Variants in AMPH observed in about 807,000 individuals in gnomAD.
AMPH encodes amphiphysin, also known as amphiphysin (Stiff-Mann syndrome with breast cancer 128kD autoantigen).
A neutral mutation model predicts 99.1 loss-of-function variants in AMPH; 49 were observed. The observed-to-expected ratio is 0.49, with a 90% CI of 0.39 to 0.63. The LOEUF (loss-of-function observed/expected upper bound fraction) is 0.63, where lower values mean the gene tolerates loss of function less well. AMPH is among the 20% of genes least tolerant of loss of function. The pLI, the probability that AMPH is intolerant of heterozygous loss-of-function variation, is 0.00. For synonymous variants in AMPH, 314 were observed against 317.3 expected (o/e 0.99, Z 0.11); for missense variants, 759 against 863.4 (o/e 0.88, Z 1.52).
At chr7:38,571,054 C>CAT (rs1185656738) in intron 1 of AMPH, among the ~76,000 whole-genome samples, 2 of 16,154 alleles carry the variant, frequency 1.2e-4, no homozygotes, top group Admixed American at 8.8e-4. Flanking sequence ...TATATATATT[C>CAT]ATATATTGAA....
At chr7:38,628,077 A>C (rs1314870613) in intron 1 of AMPH, among the ~76,000 whole-genome samples, 1 of 152,222 alleles carries the variant, frequency 6.6e-6, no homozygotes, top group Non-Finnish European at 1.5e-5. Context: ...AATGGTTGTA[A>C]CCCTTAGGCT....
intron 1 of AMPH, among the ~76,000 whole-genome samples, chr7:38,597,169 T>C (rs996741702): frequency 6.6e-6 from 1 of 152,156 alleles, no homozygotes; most frequent in African/African-American, 2.4e-5. Flanking sequence ...AAACAGCCCA[T>C]GGTTTTCATA....
intron 8 of AMPH, 64 bp from the exon 9 acceptor site, chr7:38,465,613 C>A (rs973749551): frequency 1.4e-6 from 2 of 1,421,770 alleles, no homozygotes; most frequent in Non-Finnish European, 1.9e-6. Context: ...TCAGGCTATT[C>A]TCCCCAAGAA....
At chr7:38,608,719 G>T (rs1022149146) in intron 1 of AMPH, among the ~76,000 whole-genome samples, 2 of 152,194 alleles carry the variant, frequency 1.3e-5, no homozygotes, top group Non-Finnish European at 2.9e-5. Flanking sequence ...ATGGTGGAAG[G>T]CCTGGCCCCC....
chr7:38,387,712 A>T (rs895174165), intron 20 of AMPH, among the ~76,000 whole-genome samples: 1 of 151,946 alleles, frequency 6.6e-6, no homozygotes, highest in Non-Finnish European at 1.5e-5. Flanking sequence ...AATTAAAGAT[A>T]AAAAGCAAAT....
chr7:38,387,920 C>G (rs1784390106), intron 20 of AMPH, among the ~76,000 whole-genome samples: 1 of 151,548 alleles, frequency 6.6e-6, no homozygotes, highest in Non-Finnish European at 1.5e-5. Flanking sequence ...CAGCTGATTT[C>G]TAATTATAAA....
At chr7:38,404,913 T>G (rs978908375) in intron 17 of AMPH, among the ~76,000 whole-genome samples, 1 of 151,592 alleles carries the variant, frequency 6.6e-6, no homozygotes, top group Non-Finnish European at 1.5e-5. Flanking sequence ...ATCAACAGAG[T>G]ATCCAAGATC....
At chr7:38,512,628 AG>A (rs1330935836) in intron 2 of AMPH, among the ~76,000 whole-genome samples, 1 of 152,200 alleles carries the variant, frequency 6.6e-6, no homozygotes, top group East Asian at 1.9e-4. Flanking sequence ...GGAAACCATC[AG>A]AGAAATAACA....
intron 1 of AMPH, among the ~76,000 whole-genome samples, chr7:38,560,574 G>A (rs897332527): frequency 2.6e-5 from 4 of 152,234 alleles, no homozygotes; most frequent in African/African-American, 2.4e-5. Flanking sequence ...GTAGCACAAC[G>A]TAACTTGGGC....
chr7:38,466,461 C>T (rs1787657027), intron 7 of AMPH, among the ~76,000 whole-genome samples: 1 of 151,844 alleles, frequency 6.6e-6, no homozygotes, highest in Non-Finnish European at 1.5e-5. Flanking sequence ...TAGAGCATGA[C>T]CTCTCCTAAA....
intron 1 of AMPH, among the ~76,000 whole-genome samples, chr7:38,626,624 C>T (rs967700053): frequency 6.6e-6 from 1 of 152,194 alleles, no homozygotes; most frequent in Non-Finnish European, 1.5e-5. Context: ...CCACTCAGGA[C>T]ATAGGCATGG....
intron 17 of AMPH, among the ~76,000 whole-genome samples, chr7:38,415,056 GCATCCTGTAGA>G: frequency 6.6e-6 from 1 of 151,992 alleles, no homozygotes; most frequent in South Asian, 2.1e-4. Flanking sequence ...TTTTTTAAAT[GCATCCTGTAGA>G]CATACCAGTA....
At chr7:38,523,516 T>A (rs1790052050) in intron 2 of AMPH, among the ~76,000 whole-genome samples, 3 of 152,188 alleles carry the variant, frequency 2.0e-5, no homozygotes, top group Non-Finnish European at 4.4e-5. Context: ...AGTCAACTCC[T>A]AGGAGCTTCC....
chr7:38,405,104 GTCAAGCTAAGCT>G (rs941506014), intron 17 of AMPH, among the ~76,000 whole-genome samples: 30 of 152,088 alleles, frequency 2.0e-4, no homozygotes, highest in African/African-American at 6.5e-4. Flanking sequence ...TTTATATCTT[GTCAAGCTAAGCT>G]TCATAAACGA....
Position 38,389,919 on chromosome 7 carries a change from G to C in AMPH, c.1879-14C>G. On this transcript the variant is annotated splice_polypyrimidine_tract_variant and intron_variant, in intron 19 of 20. Coordinates refer to ENST00000356264, the MANE Select transcript of AMPH (RefSeq NM_001635.4). The stretch of plus-strand genomic sequence containing the variant: ...CAGTGTTTCCACCTGCAGAAGATAA[G>C]AATACATAAAAATCAATTTCCCAGC... 6.3e-7 allele frequency: 1 copy of C among 1,590,440 alleles called. No homozygotes were observed. The highest frequency in any genetic ancestry group is 1.1e-5 in the South Asian group (1 of 90,604).
At position 38,415,832 on chromosome 7, in the gene AMPH, A is replaced by T. The variant is rs938086041; in HGVS notation, c.1398+1993T>A. On this transcript the variant is annotated intron_variant, in intron 17 of 20. Transcript: ENST00000356264. ...TCACACTGTGAGCTCTGCACCTATG[A>T]TTCTTGCATCACCTATGGATCTCAG... 9.2e-5 allele frequency among the ~76,000 whole-genome samples: 14 copies of T among 152,006 alleles called. No homozygotes were observed. In the East Asian group the frequency reaches 2.7e-3, roughly 29 times the overall value.
At chr7:38,613,049 T>TA (rs912881427) in intron 1 of AMPH, among the ~76,000 whole-genome samples, 38 of 150,836 alleles carry the variant, frequency 2.5e-4, no homozygotes, top group South Asian at 4.2e-4. Flanking sequence ...ACTGCAACCT[T>TA]AAAAAAAAAG....
rs1785583089 is a variant in AMPH, at chr7:38,421,599, T to C, written c.1272+822A>G. Among the ~76,000 whole-genome samples the C allele has an allele frequency of 3.3e-5, 5 of 152,324 alleles. No individual in the cohort carries two copies. The South Asian group carries it at 1.0e-3, about 32-fold the overall frequency. ...ACAAACTTTCCAGAAGAGAATTCCT[T>C]ACTTAAAATAGTTTAAAAGAAATCA... is the stretch of plus-strand genomic sequence containing the variant. On this transcript the variant is annotated intron_variant, in intron 16 of 20. Transcript: ENST00000356264.
Position 38,564,470 on chromosome 7 carries a change from G to A in AMPH, c.70-29459C>T, listed in dbSNP as rs528482712. 5.9e-4 allele frequency among the ~76,000 whole-genome samples: 90 copies of A among 152,324 alleles called. 1 individual carries two copies. The South Asian group carries it at 0.016, about 26-fold the overall frequency. On this transcript the variant is annotated intron_variant, in intron 1 of 20. Transcript: ENST00000356264. ...GGTGAGGTAAGAGGAACAGAGCACA[G>A]GTGAGAAGAGAAGGTACTGAGCATG...
Sources: gnomAD v4.1 joint callset for allele counts (sites outside exome capture counted in the v4.1 genomes callset) on GRCh38, gnomAD v4.1.1 for gene constraint, MANE v1.5 for transcripts, NCBI Gene and HGNC (gene_info 2026-07-23, HGNC 2026-07-21) for gene names.